HMGA2: variants seen among roughly 807,000 people sequenced by gnomAD.
HMGA2 encodes high mobility group protein HMGI-C.
In HMGA2, 8 loss-of-function variants were observed where a neutral mutation model predicts 19.1. That is an observed-to-expected ratio of 0.42 (90% confidence interval 0.25 to 0.76). HMGA2 has a LOEUF of 0.76. Ranked by LOEUF, HMGA2 falls within the 30% of genes least tolerant of loss-of-function variation. The pLI, the probability that HMGA2 is intolerant of heterozygous loss-of-function variation, is 0.28. For missense variants in HMGA2, 109 were observed against 136.3 expected, an observed-to-expected ratio of 0.80 and a Z score of 1.00; for synonymous variants, 60 against 48.8, an observed-to-expected ratio of 1.23 and a Z score of -0.96.
chr12:65,860,825 C>T (rs1346237623), intron 3 of HMGA2, among the ~76,000 whole-genome samples: 2 of 152,176 alleles, frequency 1.3e-5, no homozygotes, highest in African/African-American at 4.8e-5. Context: ...GACATTAGCA[C>T]TGCTACTGTT....
intron 3 of HMGA2, chr12:65,867,482 G>C (rs1173312139): frequency 2.2e-6 from 1 of 455,232 alleles, no homozygotes; most frequent in Admixed American, 2.4e-5. Flanking sequence ...TGTTTATTAT[G>C]TTTAAGCTAC....
chr12:65,838,844 A>G (rs1870855648), intron 3 of HMGA2, among the ~76,000 whole-genome samples: 1 of 152,100 alleles, frequency 6.6e-6, no homozygotes, highest in Non-Finnish European at 1.5e-5. Flanking sequence ...TAGGGTAACA[A>G]TGAGATGATT....
At chr12:65,832,806 T>C (rs1444906827) in intron 2 of HMGA2, among the ~76,000 whole-genome samples, 4 of 152,004 alleles carry the variant, frequency 2.6e-5, no homozygotes, top group Non-Finnish European at 5.9e-5. Context: ...GTGCAGGCAT[T>C]CTCTTTTGTC....
At chr12:65,829,913 G>A (rs373125890) in intron 2 of HMGA2, among the ~76,000 whole-genome samples, 1 of 151,810 alleles carries the variant, frequency 6.6e-6, no homozygotes, top group Non-Finnish European at 1.5e-5. Context: ...CTAGTGACAG[G>A]CATTTGTAAA....
chr12:65,862,276 T>TACACAC (rs34442419), intron 3 of HMGA2, among the ~76,000 whole-genome samples: 3,000 of 144,588 alleles, frequency 0.021, 77 homozygotes, highest in East Asian at 0.093. Context: ...AAATGCACCA[T>TACACAC]ACACACACAC....
intron 3 of HMGA2, among the ~76,000 whole-genome samples, chr12:65,885,738 A>G (rs949140515): frequency 4.6e-5 from 7 of 152,146 alleles, no homozygotes; most frequent in Non-Finnish European, 8.8e-5. Flanking sequence ...CCTCTCCCCA[A>G]ATTTTTGTCC....
chr12:65,873,322 G>T (rs927389971), intron 3 of HMGA2, among the ~76,000 whole-genome samples: 3 of 152,172 alleles, frequency 2.0e-5, no homozygotes, highest in Non-Finnish European at 4.4e-5. Flanking sequence ...TGTCTGGTGT[G>T]TTACAAATAA....
chr12:65,958,885 G>C (rs1336993259), intron 4 of HMGA2: 1 of 151,926 alleles, frequency 6.6e-6, no homozygotes, highest in Admixed American at 6.6e-5. Context: ...ACTTATTAAA[G>C]CTGACATGGA....
intron 3 of HMGA2, chr12:65,948,329 G>A (rs1435678395): frequency 1.3e-5 from 2 of 152,182 alleles, no homozygotes; most frequent in Admixed American, 1.3e-4. Context: ...AAACTCTAGT[G>A]GCCAGTCGTG....
At chr12:65,904,129 T>A (rs760816935) in intron 3 of HMGA2, among the ~76,000 whole-genome samples, 1 of 152,246 alleles carries the variant, frequency 6.6e-6, no homozygotes, top group Admixed American at 6.5e-5. Flanking sequence ...TTAGCTTCAT[T>A]TTCCAGAGGC....
At chr12:65,866,086 A>G (rs1872395128) in intron 3 of HMGA2, among the ~76,000 whole-genome samples, 1 of 152,198 alleles carries the variant, frequency 6.6e-6, no homozygotes, top group Non-Finnish European at 1.5e-5. Flanking sequence ...TATATTAGAG[A>G]GAAGATTTAC....
rs530234670 is a variant in HMGA2, at chr12:65,836,276, G to A, written c.199-2243G>A. Among the ~76,000 whole-genome samples, 357 of 151,948 alleles carry A rather than the reference G, an allele frequency of 2.3e-3. 3 individuals carry two copies. Among genetic ancestry groups the A allele is most frequent in the African/African-American group, 8.0e-3 (332 of 41,434 alleles). On this transcript the variant is annotated intron_variant, in intron 2 of 4. Transcript: ENST00000403681. ...TGAGAGGCTGAGGCAGGAGAATGGA[G>A]TGAACCCGGGAGGCGCAGCTTGCAG...
At position 65,900,501 on chromosome 12, in the gene HMGA2, G is replaced by C. The variant is rs1051848451; in HGVS notation, c.250-50882G>C. ...TTGAACCTGGTTCAGGTAGAAACCA[G>C]ACAAGTGTCATTAAGTTTTCCTCTT... On this transcript the variant is annotated intron_variant, in intron 3 of 4. Coordinates refer to ENST00000403681, the MANE Select transcript of HMGA2 (RefSeq NM_003483.6). Among the ~76,000 whole-genome samples, 3 of 152,162 alleles carry C rather than the reference G, an allele frequency of 2.0e-5. No individual in the cohort carries two copies. In the South Asian group the frequency reaches 6.2e-4, roughly 32 times the overall value.
intron 3 of HMGA2, chr12:65,858,461 A>G (rs1871862543): frequency 6.6e-6 from 1 of 152,174 alleles, no homozygotes; most frequent in Non-Finnish European, 1.5e-5. Context: ...GTATGATCTA[A>G]AGGGAAAACA....
intron 2 of HMGA2, 89 bp downstream of exon 2, chr12:65,828,176 C>A: frequency 1.0e-6 from 1 of 958,274 alleles, no homozygotes; most frequent in Non-Finnish European, 1.7e-6. Context: ...ACTCCGCAGC[C>A]AGGAATTTGT....
intron 3 of HMGA2, among the ~76,000 whole-genome samples, chr12:65,865,759 C>T (rs969329994): frequency 4.6e-5 from 7 of 151,496 alleles, no homozygotes; most frequent in Non-Finnish European, 1.0e-4. Flanking sequence ...CTCAGCCTCC[C>T]GAGTAGCTGG....
intron 3 of HMGA2, among the ~76,000 whole-genome samples, chr12:65,898,784 C>T (rs1269045176): frequency 1.3e-5 from 2 of 152,114 alleles, no homozygotes; most frequent in African/African-American, 4.8e-5. Context: ...GTGGCTCACG[C>T]CTTTAATCCC....
chr12:65,961,805 G>C (rs1197373844), intron 4 of HMGA2, among the ~76,000 whole-genome samples: 4 of 152,048 alleles, frequency 2.6e-5, no homozygotes, highest in Non-Finnish European at 5.9e-5. Flanking sequence ...GCCCATTCTT[G>C]TGGGGTTTTT....
At chr12:65,874,566 T>A (rs1441456016) in intron 3 of HMGA2, among the ~76,000 whole-genome samples, 2 of 152,174 alleles carry the variant, frequency 1.3e-5, no homozygotes, top group African/African-American at 2.4e-5. Flanking sequence ...TCCAGGTGCC[T>A]CTCTAGGGTT....
Sources: gnomAD v4.1 joint callset for allele counts (sites outside exome capture counted in the v4.1 genomes callset) on GRCh38, gnomAD v4.1.1 for gene constraint, MANE v1.5 for transcripts, NCBI Gene and HGNC (gene_info 2026-07-23, HGNC 2026-07-21) for gene names.